SLIT2: variants seen among roughly 807,000 people sequenced by gnomAD.
SLIT2 encodes slit homolog 2 protein.
A neutral mutation model predicts 185.7 loss-of-function variants in SLIT2; 41 were observed. The ratio of observed to expected loss-of-function variants is 0.22; its 90% confidence interval spans 0.17 to 0.29. The LOEUF (loss-of-function observed/expected upper bound fraction) is 0.29. SLIT2 is among the 10% of genes least tolerant of loss of function. SLIT2 has a pLI of 1.00. For missense variants in SLIT2, 1,571 were observed against 1,909.0 expected, an observed-to-expected ratio of 0.82 and a Z score of 3.30; for synonymous variants, 693 against 680.2, an observed-to-expected ratio of 1.02 and a Z score of -0.29.
Position 20,349,720 on chromosome 4 carries a change from A to G in SLIT2, c.395+80839A>G, listed in dbSNP as rs182700585. ...TAGGACTTTTATATTTGAATTTCTT[A>G]TTAGACATCTTTGTAGAGATGTAGA... On this transcript the variant is annotated intron_variant, in intron 4 of 36. Transcript: ENST00000504154. Among the ~76,000 whole-genome samples the G allele has an allele frequency of 3.3e-5, 5 of 152,260 alleles. No individual in the cohort carries two copies. In the East Asian group the frequency reaches 9.7e-4, roughly 29 times the overall value.
chr4:20,600,713 G>T (rs1200225676), intron 33 of SLIT2, among the ~76,000 whole-genome samples: 1 of 151,908 alleles, frequency 6.6e-6, no homozygotes. Context: ...TGTTTCTGGT[G>T]GTGGATCATC....
intron 4 of SLIT2, among the ~76,000 whole-genome samples, chr4:20,277,996 T>C (rs114484578): frequency 4.6e-5 from 7 of 152,014 alleles, no homozygotes; most frequent in Non-Finnish European, 1.0e-4. Context: ...TAGTAACACT[T>C]TAAGGGTACC....
intron 4 of SLIT2, among the ~76,000 whole-genome samples, chr4:20,447,985 A>T (rs1394173887): frequency 6.6e-6 from 1 of 152,220 alleles, no homozygotes. Flanking sequence ...CTGAAGAAAG[A>T]GAAAAGATTG....
intron 4 of SLIT2, among the ~76,000 whole-genome samples, chr4:20,435,750 A>C (rs1319914725): frequency 6.6e-6 from 1 of 152,208 alleles, no homozygotes; most frequent in Non-Finnish European, 1.5e-5. Context: ...AGCATTCCAA[A>C]TGAAGTCATA....
At position 20,511,260 on chromosome 4, in the gene SLIT2, G is replaced by C. The variant is rs191917790; in HGVS notation, c.1058+123G>C. 1.6e-3 allele frequency: 902 copies of C among 576,040 alleles called. 2 individuals carry two copies. The highest frequency in any genetic ancestry group is 2.3e-3 in the Non-Finnish European group (748 of 324,004). The allele number at this position is 576,040 out of a possible 1,614,324, so 35.7% of individuals were successfully genotyped here. A position where few individuals can be genotyped will look rare whatever the true frequency, so the allele number is the denominator to read the frequency against. The stretch of plus-strand genomic sequence containing the variant: ...TTATGAATAATGAATTATTAATAAT[G>C]TTAATTATTATTAACCACTTCTGGG... On this transcript the variant is annotated intron_variant, in intron 11 of 36. Coordinates refer to ENST00000504154, the MANE Select transcript of SLIT2 (RefSeq NM_004787.4).
intron 4 of SLIT2, among the ~76,000 whole-genome samples, chr4:20,413,253 T>C (rs950696719): frequency 3.3e-5 from 5 of 152,120 alleles, no homozygotes; most frequent in African/African-American, 1.2e-4. Context: ...AGTATGTTGT[T>C]GAATTTCACA....
At chr4:20,526,680 G>A (rs751988324) in intron 15 of SLIT2, among the ~76,000 whole-genome samples, 22 of 152,052 alleles carry the variant, frequency 1.4e-4, no homozygotes, top group Non-Finnish European at 2.5e-4. Context: ...AGCCAAAATA[G>A]GATTTGGAAA....
chr4:20,527,955 T>C (rs1721444459), intron 15 of SLIT2, among the ~76,000 whole-genome samples: 2 of 152,166 alleles, frequency 1.3e-5, no homozygotes, highest in Admixed American at 6.5e-5. Flanking sequence ...GGCACCTTTT[T>C]TTCAAGAAGA....
intron 4 of SLIT2, among the ~76,000 whole-genome samples, chr4:20,451,657 G>A (rs763369142): frequency 1.3e-5 from 2 of 152,122 alleles, no homozygotes; most frequent in East Asian, 1.9e-4. Context: ...AGTGTAGAAT[G>A]GCTAAGTAGA....
intron 29 of SLIT2, among the ~76,000 whole-genome samples, chr4:20,570,355 G>A (rs193003007): frequency 6.6e-6 from 1 of 151,992 alleles, no homozygotes; most frequent in East Asian, 1.9e-4. Context: ...CCTTTCTAGA[G>A]TATCTGGAAA....
intron 9 of SLIT2, among the ~76,000 whole-genome samples, chr4:20,503,040 C>T (rs953373083): frequency 1.3e-5 from 2 of 152,130 alleles, no homozygotes; most frequent in South Asian, 4.1e-4. Flanking sequence ...AAATAAGACT[C>T]ATGTAGCCTC....
chr4:20,468,348 C>T (rs918844658), intron 5 of SLIT2, among the ~76,000 whole-genome samples: 8 of 152,048 alleles, frequency 5.3e-5, no homozygotes, highest in African/African-American at 1.9e-4. Context: ...TTTAAGATCA[C>T]CCTTTGCATT....
At chr4:20,616,071 A>G (rs1729624113) in intron 34 of SLIT2, 2 of 152,202 alleles carry the variant, frequency 1.3e-5, no homozygotes, top group Admixed American at 1.3e-4. Context: ...AAAGATTGCA[A>G]ATACTCTGTT....
chr4:20,595,960 C>T, intron 31 of SLIT2, 126 bp downstream of exon 31: 1 of 807,634 alleles, frequency 1.2e-6, no homozygotes, highest in South Asian at 2.1e-5. Context: ...TTGTTTGTAA[C>T]ACAAGGATAA....
At chr4:20,606,718 G>A (rs1471692445) in intron 33 of SLIT2, among the ~76,000 whole-genome samples, 1 of 152,082 alleles carries the variant, frequency 6.6e-6, no homozygotes, top group Admixed American at 6.6e-5. Context: ...TCCAAACTCA[G>A]TTTTTAAATC....
chr4:20,501,982 CA>C (rs1718782849), intron 9 of SLIT2, among the ~76,000 whole-genome samples: 1 of 151,768 alleles, frequency 6.6e-6, no homozygotes, highest in Non-Finnish European at 1.5e-5. Flanking sequence ...TTTTTTTTTG[CA>C]ACTTATTTCT....
chr4:20,419,139 G>T (rs1347191782), intron 4 of SLIT2, among the ~76,000 whole-genome samples: 1 of 152,096 alleles, frequency 6.6e-6, no homozygotes, highest in African/African-American at 2.4e-5. Context: ...AAATAGTGCA[G>T]TATAGTAACA....
intron 4 of SLIT2, among the ~76,000 whole-genome samples, chr4:20,419,155 G>A (rs988340194): frequency 2.0e-5 from 3 of 152,074 alleles, no homozygotes; most frequent in African/African-American, 4.8e-5. Context: ...TAACACTTGC[G>A]GTGGTGTCTT....
intron 4 of SLIT2, among the ~76,000 whole-genome samples, chr4:20,335,540 T>C (rs964691841): frequency 1.3e-5 from 2 of 152,148 alleles, no homozygotes; most frequent in South Asian, 4.1e-4. Context: ...ATTGGAGCTG[T>C]GTACCCTTCC....
Sources: gnomAD v4.1 joint callset for allele counts (sites outside exome capture counted in the v4.1 genomes callset) on GRCh38, gnomAD v4.1.1 for gene constraint, MANE v1.5 for transcripts, NCBI Gene and HGNC (gene_info 2026-07-23, HGNC 2026-07-21) for gene names.